CS: variants seen among roughly 807,000 people sequenced by gnomAD.
The protein encoded by CS is citrate synthase.
In CS, 13 loss-of-function variants were observed where a neutral mutation model predicts 61.4. The ratio of observed to expected loss-of-function variants is 0.21; its 90% CI spans 0.14 to 0.34. CS has a LOEUF of 0.34. CS is among the 10% of genes least tolerant of loss of function. CS has a pLI of 1.00. For synonymous variants in CS, 159 were observed against 215.2 expected (o/e 0.74, Z 2.29); for missense variants, 278 against 573.4 (o/e 0.48, Z 5.26).
At chr12:56,293,213 C>T (rs79436528) in intron 1 of CS, among the ~76,000 whole-genome samples, 6,943 of 152,298 alleles carry the variant, frequency 0.046, 225 homozygotes, top group Non-Finnish European at 0.068. Flanking sequence ...CCTCACCCTA[C>T]AGTCAAGAAG....
chr12:56,273,313 C>A, intron 10 of CS, 59 bp from the exon 11 acceptor site: 1 of 1,530,128 alleles, frequency 6.5e-7, no homozygotes, highest in Non-Finnish European at 8.9e-7. Flanking sequence ...ATGTACAAGT[C>A]CTAGGTGATA....
chr12:56,288,566 C>G (rs1422736383), intron 1 of CS, among the ~76,000 whole-genome samples: 7 of 151,860 alleles, frequency 4.6e-5, no homozygotes, highest in Non-Finnish European at 1.5e-5. Context: ...AAACTCCTGA[C>G]ATCTGGTGAT....
intron 9 of CS, 196 bp from the exon 10 acceptor site, chr12:56,273,992 T>C (rs1332104705): frequency 4.0e-6 from 2 of 497,122 alleles, no homozygotes; most frequent in South Asian, 2.1e-5. Flanking sequence ...CACCAACACA[T>C]CTGGCTTTTT....
At chr12:56,282,831 G>C (rs910909264) in intron 5 of CS, 29 bp downstream of exon 5, 1 of 1,612,192 alleles carries the variant, frequency 6.2e-7, no homozygotes, top group Non-Finnish European at 8.5e-7. Flanking sequence ...AGGGGAATGA[G>C]AAGAGCTAAT....
chr12:56,273,852 G>T, intron 9 of CS, 56 bp from the exon 10 acceptor site: 1 of 1,462,762 alleles, frequency 6.8e-7, no homozygotes, highest in South Asian at 1.1e-5. Context: ...TTTATTTTTC[G>T]AGACAGGATC....
intron 6 of CS, 96 bp from the exon 7 acceptor site, chr12:56,276,291 T>C (rs1872622531): frequency 8.7e-7 from 1 of 1,143,174 alleles, no homozygotes. Context: ...ATTGGGGCTA[T>C]TTGGGTTGAT....
chr12:56,276,241 C>A (rs1190785822), intron 6 of CS, 46 bp from the exon 7 acceptor site: 2 of 1,586,014 alleles, frequency 1.3e-6, no homozygotes, highest in Non-Finnish European at 1.7e-6. Flanking sequence ...GAATTATCAG[C>A]AAAGAAGAAT....
chr12:56,290,568 T>A (rs1481335027), intron 1 of CS, among the ~76,000 whole-genome samples: 1 of 152,014 alleles, frequency 6.6e-6, no homozygotes, highest in Non-Finnish European at 1.5e-5. Context: ...TTGCTAAACC[T>A]GAAGCTTAAA....
At chr12:56,283,993 G>T in intron 3 of CS, 136 bp from the exon 4 acceptor site, 3 of 668,552 alleles carry the variant, frequency 4.5e-6, no homozygotes, top group Non-Finnish European at 5.2e-6. Flanking sequence ...ACTTCATTTG[G>T]TGAGAGATGT....
chr12:56,274,825 T>A lies in CS; in HGVS notation c.972A>T (p.Ser324=). The change falls in exon 9 of 11, where the codon TCA becomes TCT. Residue 324 remains serine, a synonymous_variant. Transcript: ENST00000351328. ...AGATGTAGTCTCGTAACTTCTCATC[T>A]GACACATCTTTGCCAACTTCCTTCT... ...QLQKEVGKDV[S]DEKLRDYIWN... is the part of the protein sequence containing the mutation. 6.2e-7 allele frequency: 1 copy of A among 1,612,030 alleles called. No individual in the cohort carries two copies. The highest frequency in any genetic ancestry group is 8.5e-7 in the Non-Finnish European group (1 of 1,179,090).
intron 1 of CS, among the ~76,000 whole-genome samples, chr12:56,288,525 A>G (rs1282117900): frequency 1.3e-5 from 2 of 151,654 alleles, no homozygotes; most frequent in Non-Finnish European, 2.9e-5. Context: ...CAGTAGAGAC[A>G]GAGTTTCATC....
intron 6 of CS, 63 bp downstream of exon 6, chr12:56,282,357 C>T: frequency 7.6e-7 from 1 of 1,317,914 alleles, no homozygotes; most frequent in South Asian, 1.6e-5. Flanking sequence ...TTTTTTCCCT[C>T]CCTTCACACT....
At chr12:56,282,179 C>A (rs1872795570) in intron 6 of CS, among the ~76,000 whole-genome samples, 1 of 152,074 alleles carries the variant, frequency 6.6e-6, no homozygotes, top group Admixed American at 6.6e-5. Context: ...TTAATAATTT[C>A]TTTTTTCTGC....
In CS at chr12:56,271,933, C is replaced by G. The variant is rs1481504935; in HGVS notation, c.*1151G>C. On this transcript the variant is annotated 3_prime_UTR_variant, in exon 11 of 11. Coordinates refer to ENST00000351328, the MANE Select transcript of CS (RefSeq NM_004077.3). ...TAGAGCATTCTGAGTTGCTGAAAAC[C>G]TGTGCAAATGGGGCTTCTGAAACAT... 3.3e-5 allele frequency: 15 copies of G among 455,954 alleles called. No individual in the cohort carries two copies. Among genetic ancestry groups the G allele is most frequent in the Non-Finnish European group, 6.6e-5 (15 of 226,650 alleles). 28.2% of individuals were successfully genotyped at this position (455,954 alleles called of 1,614,324 possible). A position where few individuals can be genotyped will look rare whatever the true frequency, so the allele number is the denominator to read the frequency against.
chr12:56,298,903 G>A (rs1168375098), intron 1 of CS, among the ~76,000 whole-genome samples: 1 of 152,042 alleles, frequency 6.6e-6, no homozygotes, highest in Non-Finnish European at 1.5e-5. Flanking sequence ...TTAGCCAGGC[G>A]TGGCGGTGCA....
intron 6 of CS, among the ~76,000 whole-genome samples, chr12:56,279,832 G>A (rs1468793169): frequency 6.6e-6 from 1 of 151,594 alleles, no homozygotes; most frequent in Non-Finnish European, 1.5e-5. Flanking sequence ...GCCAGGCGTG[G>A]TGGTGCGCAC....
chr12:56,274,683 A>C, intron 9 of CS, 94 bp downstream of exon 9: 2 of 978,478 alleles, frequency 2.0e-6, no homozygotes, highest in Non-Finnish European at 3.0e-6. Flanking sequence ...AAAAATCTCT[A>C]ATTTAGGGAC....
At chr12:56,295,163 G>C (rs1873257264) in intron 1 of CS, among the ~76,000 whole-genome samples, 2 of 151,654 alleles carry the variant, frequency 1.3e-5, no homozygotes, top group South Asian at 4.2e-4. Flanking sequence ...CTGGGCTCAA[G>C]TGATCCTCCT....
At chr12:56,280,440 A>ACCC (rs1317444684) in intron 6 of CS, among the ~76,000 whole-genome samples, 7 of 119,892 alleles carry the variant, frequency 5.8e-5, no homozygotes, top group East Asian at 2.5e-4. Context: ...AAAAAAAACA[A>ACCC]AAAAATTAGC....
Sources: allele counts gnomAD v4.1 joint callset (sites outside exome capture counted in the v4.1 genomes callset), GRCh38; gene constraint gnomAD v4.1.1; transcripts MANE v1.5; gene names NCBI Gene and HGNC (gene_info 2026-07-23, HGNC 2026-07-21).